The following DSCAM variants were observed in gnomAD, a reference collection of about 807,000 sequenced individuals.
DSCAM encodes DS cell adhesion molecule.
DSCAM carries 47 observed loss-of-function variants against 217.7 expected under a neutral mutation model. That is an observed-to-expected ratio of 0.22 (90% CI 0.17 to 0.28). The LOEUF (loss-of-function observed/expected upper bound fraction) is 0.28. Ranked by LOEUF, DSCAM falls within the 10% of genes least tolerant of loss-of-function variation. DSCAM has a pLI of 1.00. For synonymous variants in DSCAM, 1,056 were observed against 1,015.3 expected (o/e 1.04, Z -0.76); for missense variants, 2,080 against 2,618.3 (o/e 0.79, Z 4.49).
chr21:40,800,942 C>CTCTT (rs1199012999), intron 1 of DSCAM, among the ~76,000 whole-genome samples: 3 of 147,424 alleles, frequency 2.0e-5, no homozygotes, highest in Non-Finnish European at 4.5e-5. Flanking sequence ...TCTCAAACTC[C>CTCTT]TCTTTCTTTC....
chr21:40,154,226 C>A lies in DSCAM; in HGVS notation c.3019-9495G>T, dbSNP rs2090453877. 2.0e-5 allele frequency among the ~76,000 whole-genome samples: 3 copies of A among 149,658 alleles called. No individual in the cohort carries two copies. In the South Asian group the frequency reaches 6.4e-4, roughly 32 times the overall value. On this transcript the variant is annotated intron_variant, in intron 16 of 32. Coordinates refer to ENST00000400454, the MANE Select transcript of DSCAM (RefSeq NM_001389.5). The stretch of plus-strand genomic sequence containing the variant: ...CTCCCTTCCTTTCCTTCCTTCCTCC[C>A]TTCCTTTCCTTCCTTCCCTCTTTTT...
chr21:40,578,647 A>G (rs549237596), intron 3 of DSCAM, among the ~76,000 whole-genome samples: 40 of 152,278 alleles, frequency 2.6e-4, no homozygotes, highest in East Asian at 1.9e-3. Flanking sequence ...TTCACAATAA[A>G]TCTTGCTGCC....
At chr21:40,705,473 G>A (rs1187262009) in intron 2 of DSCAM, among the ~76,000 whole-genome samples, 2 of 152,074 alleles carry the variant, frequency 1.3e-5, no homozygotes, top group Middle Eastern at 3.2e-3. Context: ...CCCAAGACTG[G>A]GCAATTTATA....
intron 1 of DSCAM, among the ~76,000 whole-genome samples, chr21:40,735,544 G>A (rs1286564309): frequency 6.6e-6 from 1 of 152,160 alleles, no homozygotes; most frequent in African/African-American, 2.4e-5. Flanking sequence ...TACCATTTGT[G>A]CAGTACCCAC....
chr21:40,035,307 AG>A (rs1290672226), intron 32 of DSCAM, among the ~76,000 whole-genome samples: 8 of 95,200 alleles, frequency 8.4e-5, no homozygotes, highest in African/African-American at 3.3e-4. Context: ...TCAAAATAAA[AG>A]GATGGAGGAA....
At chr21:40,645,104 T>C (rs9982155) in intron 3 of DSCAM, among the ~76,000 whole-genome samples, 57,922 of 152,024 alleles carry the variant, frequency 0.38, 11,856 homozygotes, top group East Asian at 0.6. Context: ...AGAAAGAGCA[T>C]GATGGGCTCT....
At chr21:40,396,953 G>A (rs1162754395) in intron 3 of DSCAM, among the ~76,000 whole-genome samples, 1 of 152,106 alleles carries the variant, frequency 6.6e-6, no homozygotes, top group Non-Finnish European at 1.5e-5. Context: ...CATCTAGACA[G>A]TGAGGTACCA....
intron 1 of DSCAM, among the ~76,000 whole-genome samples, chr21:40,791,322 C>T (rs1364501255): frequency 1.3e-5 from 2 of 151,530 alleles, no homozygotes; most frequent in African/African-American, 2.4e-5. Flanking sequence ...TATCCGCTTA[C>T]GTTGGCTTAG....
At chr21:40,727,526 C>G (rs1320209699) in intron 1 of DSCAM, among the ~76,000 whole-genome samples, 1 of 152,112 alleles carries the variant, frequency 6.6e-6, no homozygotes, top group East Asian at 1.9e-4. Flanking sequence ...GTAGAGGTCC[C>G]TGTTTTCCTC....
chr21:40,387,179 G>C (rs1472270420), intron 3 of DSCAM, among the ~76,000 whole-genome samples: 1 of 152,146 alleles, frequency 6.6e-6, no homozygotes, highest in African/African-American at 2.4e-5. Flanking sequence ...AAGGAAGAGG[G>C]GGGGTGAATA....
intron 1 of DSCAM, among the ~76,000 whole-genome samples, chr21:40,761,056 C>G (rs1020230415): frequency 6.6e-6 from 1 of 152,218 alleles, no homozygotes; most frequent in African/African-American, 2.4e-5. Context: ...TCTACCCTCA[C>G]CTAACCAGGC....
Position 40,483,567 on chromosome 21 carries a change from T to G in DSCAM, c.509-114322A>C, listed in dbSNP as rs375897004. Reference sequence around the variant, plus strand: ...TTTTTGCCTGATTACACAATGATAATTTTTTTCTTTTTATTTTCCTGTATA... The same window carrying G: ...TTTTTGCCTGATTACACAATGATAAGTTTTTTCTTTTTATTTTCCTGTATA... On this transcript the variant is annotated intron_variant, in intron 3 of 32. Transcript: ENST00000400454. Among the ~76,000 whole-genome samples the G allele has an allele frequency of 3.0e-4, 45 of 152,176 alleles. No individual in the cohort carries two copies. In the South Asian group the frequency reaches 8.9e-3, roughly 30 times the overall value.
At chr21:40,699,562 T>G (rs2090633114) in intron 2 of DSCAM, among the ~76,000 whole-genome samples, 1 of 152,192 alleles carries the variant, frequency 6.6e-6, no homozygotes, top group Non-Finnish European at 1.5e-5. Context: ...AAGTGCTACT[T>G]CAGCGAACAA....
chr21:40,065,190 G>A (rs963419506), intron 27 of DSCAM, among the ~76,000 whole-genome samples: 1 of 152,168 alleles, frequency 6.6e-6, no homozygotes, highest in African/African-American at 2.4e-5. Context: ...AGTAACATGA[G>A]TGACAGGAAT....
At chr21:40,292,185 CTTTTTTT>C (rs11431306) in intron 10 of DSCAM, among the ~76,000 whole-genome samples, 2 of 110,250 alleles carry the variant, frequency 1.8e-5, no homozygotes, top group Non-Finnish European at 3.6e-5. Flanking sequence ...AATGTAATGA[CTTTTTTT>C]TTTTTTTTTT....
intron 3 of DSCAM, among the ~76,000 whole-genome samples, chr21:40,547,071 C>A (rs1404284309): frequency 6.6e-6 from 1 of 152,132 alleles, no homozygotes; most frequent in African/African-American, 2.4e-5. Context: ...CCAAGAGCAG[C>A]CCAACCTTGG....
At chr21:40,418,553 T>C (rs1443504728) in intron 3 of DSCAM, among the ~76,000 whole-genome samples, 3 of 152,180 alleles carry the variant, frequency 2.0e-5, no homozygotes, top group Non-Finnish European at 4.4e-5. Flanking sequence ...AAGCAAGCCT[T>C]CTTTTGCTCA....
intron 27 of DSCAM, 145 bp downstream of exon 27, chr21:40,074,892 T>A: frequency 1.3e-6 from 1 of 756,126 alleles, no homozygotes; most frequent in South Asian, 2.2e-5. Flanking sequence ...GCTGAAGGAA[T>A]GTCAGAGAAC....
In DSCAM at chr21:40,678,757, G is replaced by A. The variant is rs116662649; in HGVS notation, c.508+14053C>T. Among the ~76,000 whole-genome samples the A allele has an allele frequency of 5.1e-3, 782 of 152,260 alleles. 9 individuals are homozygous for A. The highest frequency in any genetic ancestry group is 0.018 in the African/African-American group (745 of 41,528). ...GCTATCCATGGCAGGTTGACACTCT[G>A]TGCTCACCAAATGTGTATAACCCTT... On this transcript the variant is annotated intron_variant, in intron 3 of 32. Transcript: ENST00000400454.
Sources: gnomAD v4.1 joint callset for allele counts (sites outside exome capture counted in the v4.1 genomes callset) on GRCh38, gnomAD v4.1.1 for gene constraint, MANE v1.5 for transcripts, NCBI Gene and HGNC (gene_info 2026-07-23, HGNC 2026-07-21) for gene names.